NOP9: variants seen among roughly 807,000 people sequenced by gnomAD.
NOP9 encodes nucleolar protein 9.
Under a neutral mutation model 63.0 loss-of-function variants are expected in NOP9, and 50 were observed. That is an observed-to-expected ratio of 0.79 (90% CI 0.63 to 1.00). NOP9 has a LOEUF of 1.00. NOP9 is among the 50% of genes least tolerant of loss of function. The pLI, the probability that NOP9 is intolerant of heterozygous loss-of-function variation, is 0.00. For synonymous variants in NOP9, 343 were observed against 332.8 expected (o/e 1.03, Z -0.33); for missense variants, 758 against 803.0 (o/e 0.94, Z 0.68).
At chr14:24,301,535 G>C in intron 2 of NOP9, 77 bp from the exon 3 acceptor site, 4 of 1,587,302 alleles carry the variant, frequency 2.5e-6, no homozygotes, top group South Asian at 2.2e-5. Flanking sequence ...CGGAATCCTT[G>C]TTCATCTGTG....
upstream of NOP9, among the ~76,000 whole-genome samples, chr14:24,297,072 C>A (rs1318443102): frequency 6.6e-6 from 1 of 152,206 alleles, no homozygotes; most frequent in Non-Finnish European, 1.5e-5. Context: ...TAGGCCTCCC[C>A]ACCACAGAGC....
At chr14:24,291,162 C>A in the NOP9 span, 19 of 1,614,042 alleles carry the variant, frequency 1.2e-5, no homozygotes, top group Non-Finnish European at 8.5e-7. Context: ...AAGGCCATAG[C>A]GTCGAGCAAG....
In NOP9 at chr14:24,301,507, C is replaced by T. The variant is rs1594618513; in HGVS notation, c.698-105C>T. On this transcript the variant is annotated intron_variant, in intron 2 of 9. Transcript: ENST00000267425. ...GAAGAGACATTTAGTTGTACTACAT[C>T]TGTTCTGCATCTCCAAGCGGAATCC... The T allele has an allele frequency of 2.2e-6, 3 of 1,372,090 alleles. No homozygotes were observed. In the East Asian group the frequency reaches 7.2e-5, roughly 33 times the overall value. The allele number at this position is 1,372,090 out of a possible 1,614,324, so 85.0% of individuals were successfully genotyped here.
rs1349308871 is a variant in NOP9, at chr14:24,307,004, T to G, written c.*1909T>G. 4.0e-6 allele frequency: 1 copy of G among 247,452 alleles called. No homozygotes were observed. The highest frequency in any genetic ancestry group is 2.2e-5 in the African/African-American group (1 of 44,750). The allele number at this position is 247,452 out of a possible 1,614,324, so 15.3% of individuals were successfully genotyped here. A position where few individuals can be genotyped will look rare whatever the true frequency, so the allele number is the denominator to read the frequency against. On this transcript the variant is annotated 3_prime_UTR_variant, in exon 10 of 10. Transcript: ENST00000267425. The stretch of plus-strand genomic sequence containing the variant: ...TAGGAGGTGATGTATTATTATTGCC[T>G]TTTTATAGTTGAAGAAACTGAGGTT...
chr14:24,277,668 T>C, the NOP9 span, among the ~76,000 whole-genome samples: 1 of 152,188 alleles, frequency 6.6e-6, no homozygotes, highest in Non-Finnish European at 1.5e-5. Context: ...GGCCTTGTGC[T>C]CAGGCTGATT....
At chr14:24,299,161 G>A (rs766511436), upstream of NOP9, 679 of 1,571,630 alleles carry the variant, frequency 4.3e-4, no homozygotes, top group Non-Finnish European at 5.0e-4. Context: ...TCTGAGGGAA[G>A]CCTGGAGACT....
the NOP9 span, among the ~76,000 whole-genome samples, chr14:24,277,041 T>G: frequency 6.6e-6 from 1 of 151,926 alleles, no homozygotes; most frequent in African/African-American, 2.4e-5. Context: ...CCTGTGGCTG[T>G]GGGGGGGCAG....
intron 3 of NOP9, 104 bp from the exon 4 acceptor site, chr14:24,301,861 C>A: frequency 7.0e-7 from 1 of 1,435,424 alleles, no homozygotes; most frequent in Non-Finnish European, 9.7e-7. Context: ...TTTGTATAGT[C>A]CCTTTGTGTC....
chr14:24,275,740 G>A, the NOP9 span, among the ~76,000 whole-genome samples: 1 of 152,252 alleles, frequency 6.6e-6, no homozygotes, highest in Non-Finnish European at 1.5e-5. Flanking sequence ...GGGAGCAAGT[G>A]CGAGACAGGT....
At position 24,307,585 on chromosome 14, in the gene NOP9, G is replaced by T; in HGVS notation, c.*2490G>T. ...GGTGAGTGTAAAGGGCATGATGAGG[G>T]TAGAGTGGCTAGAGGGCTAGGGAGG... is the stretch of plus-strand genomic sequence containing the variant. On this transcript the variant is annotated 3_prime_UTR_variant, in exon 10 of 10. Coordinates refer to ENST00000267425, the MANE Select transcript of NOP9 (RefSeq NM_174913.3). 1 of 1,545,882 alleles carries T rather than the reference G, an allele frequency of 6.5e-7. No homozygotes were observed. Among genetic ancestry groups the T allele is most frequent in the Non-Finnish European group, 8.8e-7 (1 of 1,130,782 alleles).
At chr14:24,276,464 A>T in the NOP9 span, among the ~76,000 whole-genome samples, 1 of 151,682 alleles carries the variant, frequency 6.6e-6, no homozygotes, top group Non-Finnish European at 1.5e-5. Context: ...TTAAAAAAAA[A>T]TTATTTTTAG....
At chr14:24,283,930 TG>T in the NOP9 span, among the ~76,000 whole-genome samples, 15 of 152,356 alleles carry the variant, frequency 9.8e-5, no homozygotes, top group South Asian at 3.1e-3. Context: ...CTGCTCAACA[TG>T]GGGCCCATCA....
intron 3 of NOP9, 117 bp downstream of exon 3, chr14:24,301,839 C>T (rs774273772): frequency 3.4e-5 from 49 of 1,449,602 alleles, no homozygotes; most frequent in Non-Finnish European, 4.2e-5. Flanking sequence ...TCTGGTTTGA[C>T]GTTCAGAGCA....
At chr14:24,283,054 G>T in the NOP9 span, among the ~76,000 whole-genome samples, 2 of 152,200 alleles carry the variant, frequency 1.3e-5, no homozygotes, top group African/African-American at 4.8e-5. Context: ...TGAACTAAGA[G>T]ACTTGACCAA....
At chr14:24,283,516 C>T in the NOP9 span, among the ~76,000 whole-genome samples, 1 of 152,294 alleles carries the variant, frequency 6.6e-6, no homozygotes, top group Non-Finnish European at 1.5e-5. Flanking sequence ...GGGAGGATCC[C>T]TTGAGCTGGG....
the NOP9 span, among the ~76,000 whole-genome samples, chr14:24,283,500 TGAG>T: frequency 6.6e-6 from 1 of 151,678 alleles, no homozygotes; most frequent in South Asian, 2.1e-4. Context: ...CTCAGGGGGC[TGAG>T]GTGGGAGGAT....
At position 24,300,220 on chromosome 14, in the gene NOP9, G is replaced by A. The variant is rs766203493; in HGVS notation, c.247+19G>A. On this transcript the variant is annotated intron_variant, in intron 1 of 9. Transcript: ENST00000267425. ...GAACGAGGTAGGCAGCAACTTCGGG[G>A]TTTAGACCAAGAGCATCAAATCCAG... 11 of 1,611,672 alleles carry A rather than the reference G, an allele frequency of 6.8e-6. No individual in the cohort carries two copies. In the African/African-American group the frequency reaches 1.3e-4, roughly 20 times the overall value.
chr14:24,299,778 T>C (rs1490959424), upstream of NOP9: 1 of 722,666 alleles, frequency 1.4e-6, no homozygotes. Context: ...GGCGGAGCGA[T>C]CTGGGTGACA....
At chr14:24,292,659 T>C in the NOP9 span, 1 of 1,614,218 alleles carries the variant, frequency 6.2e-7, no homozygotes, top group Non-Finnish European at 8.5e-7. Flanking sequence ...CACCGCAGCT[T>C]TGCCCACACC....
Sources: gnomAD v4.1 joint callset for allele counts (sites outside exome capture counted in the v4.1 genomes callset) on GRCh38, gnomAD v4.1.1 for gene constraint, MANE v1.5 for transcripts, NCBI Gene and HGNC (gene_info 2026-07-23, HGNC 2026-07-21) for gene names.